Variants in PKP1 observed in about 807,000 individuals in gnomAD.
PKP1 encodes plakophilin 1, also known as plakophilin-1.
Under a neutral mutation model 76.4 loss-of-function variants are expected in PKP1, and 27 were observed. The observed-to-expected ratio is 0.35, with a 90% CI of 0.26 to 0.49. PKP1 has a LOEUF of 0.49. Ranked by LOEUF, PKP1 falls within the 20% of genes least tolerant of loss-of-function variation. The probability of loss-of-function intolerance (pLI) is 0.99; values close to 1 mark genes in which losing one functional copy is unlikely to be tolerated. For missense variants in PKP1, 964 were observed against 955.2 expected, an observed-to-expected ratio of 1.01 and a Z score of -0.12; for synonymous variants, 404 against 384.2, an observed-to-expected ratio of 1.05 and a Z score of -0.60.
intron 3 of PKP1, among the ~76,000 whole-genome samples, chr1:201,315,456 T>G (rs995746942): frequency 1.3e-5 from 2 of 151,948 alleles, no homozygotes; most frequent in Non-Finnish European, 2.9e-5. Context: ...GTCACCACCC[T>G]GTGACTCTAC....
intron 3 of PKP1, among the ~76,000 whole-genome samples, chr1:201,314,203 A>G (rs1260579567): frequency 2.6e-5 from 4 of 152,246 alleles, no homozygotes; most frequent in African/African-American, 9.6e-5. Context: ...CTGTAATCCC[A>G]GCACTTTGGG....
chr1:201,288,144 A>T (rs1228773462), intron 1 of PKP1, among the ~76,000 whole-genome samples: 4 of 152,164 alleles, frequency 2.6e-5, no homozygotes, highest in African/African-American at 9.7e-5. Context: ...GCGATCTTGG[A>T]CAAGTCGCTG....
At chr1:201,304,463 G>A (rs915862459) in intron 2 of PKP1, among the ~76,000 whole-genome samples, 1 of 152,178 alleles carries the variant, frequency 6.6e-6, no homozygotes, top group Non-Finnish European at 1.5e-5. Context: ...ATGACCACAA[G>A]GTCTCCTTGC....
At chr1:201,311,743 G>C (rs1395743449) in intron 2 of PKP1, among the ~76,000 whole-genome samples, 1 of 152,236 alleles carries the variant, frequency 6.6e-6, no homozygotes, top group Non-Finnish European at 1.5e-5. Context: ...AGGTTGCTGG[G>C]TTTGGCCCTG....
chr1:201,326,815 T>G (rs186827389), intron 12 of PKP1, among the ~76,000 whole-genome samples: 5 of 152,274 alleles, frequency 3.3e-5, no homozygotes, highest in African/African-American at 1.2e-4. Context: ...GGAAAAGTCT[T>G]GAAGGACAGG....
intron 12 of PKP1, 42 bp downstream of exon 12, chr1:201,325,880 C>A: frequency 6.7e-7 from 1 of 1,489,900 alleles, no homozygotes; most frequent in Non-Finnish European, 9.4e-7. Flanking sequence ...GTTCTTCCTG[C>A]TCATGAGCAG....
chr1:201,325,186 A>T, intron 11 of PKP1, 59 bp downstream of exon 11: 2 of 1,541,162 alleles, frequency 1.3e-6, no homozygotes, highest in Non-Finnish European at 1.8e-6. Flanking sequence ...CTCACCCTGC[A>T]CAGCAGGAAG....
At chr1:201,306,136 G>A (rs1378708052) in intron 2 of PKP1, among the ~76,000 whole-genome samples, 1 of 152,216 alleles carries the variant, frequency 6.6e-6, no homozygotes, top group African/African-American at 2.4e-5. Flanking sequence ...ACCCATCCTA[G>A]CAGTGTTCAG....
intron 1 of PKP1, among the ~76,000 whole-genome samples, chr1:201,291,242 A>C (rs1655908203): frequency 6.6e-6 from 1 of 152,092 alleles, no homozygotes; most frequent in South Asian, 2.1e-4. Flanking sequence ...AGCCAAGCAG[A>C]CCCCAACTAC....
chr1:201,329,945 C>T (rs1657265761), intron 13 of PKP1, 129 bp from the exon 14 acceptor site: 1 of 152,238 alleles, frequency 6.6e-6, no homozygotes, highest in South Asian at 2.1e-4. Flanking sequence ...CTAGGGCAGC[C>T]TTGAATCCAG....
chr1:201,307,531 G>A (rs1357540549), intron 2 of PKP1, among the ~76,000 whole-genome samples: 3 of 152,178 alleles, frequency 2.0e-5, no homozygotes, highest in Non-Finnish European at 4.4e-5. Context: ...CCCATTCTCG[G>A]CAGCCTTGCT....
chr1:201,298,864 A>G (rs1415575944), intron 2 of PKP1, among the ~76,000 whole-genome samples: 1 of 152,196 alleles, frequency 6.6e-6, no homozygotes, highest in East Asian at 1.9e-4. Flanking sequence ...CCCTTACCCT[A>G]AGGAGAACTG....
intron 2 of PKP1, among the ~76,000 whole-genome samples, chr1:201,301,888 C>T (rs1656242140): frequency 6.6e-6 from 1 of 152,174 alleles, no homozygotes; most frequent in East Asian, 1.9e-4. Flanking sequence ...TAACTTAAAC[C>T]TCTCCAGGCC....
intron 2 of PKP1, among the ~76,000 whole-genome samples, chr1:201,308,229 C>A (rs1301484916): frequency 1.3e-5 from 2 of 152,236 alleles, no homozygotes; most frequent in Non-Finnish European, 2.9e-5. Flanking sequence ...CCTAGAACGG[C>A]CCTACCTACC....
In PKP1 at chr1:201,322,808, T is replaced by A. The variant is rs77513914; in HGVS notation, c.1504-205T>A. 5.7e-3 allele frequency among the ~76,000 whole-genome samples: 874 copies of A among 152,302 alleles called. 4 individuals carry two copies. The highest frequency in any genetic ancestry group is 8.6e-3 in the Non-Finnish European group (588 of 68,004). On this transcript the variant is annotated intron_variant, in intron 8 of 13. Transcript: ENST00000367324. ...GACAGTCTGGGGGACCATGGCCCAT[T>A]CCTGCATCCCATGGAGCTGCTGCAG...
chr1:201,284,715 TA>T (rs1162347258), intron 1 of PKP1, among the ~76,000 whole-genome samples: 1 of 152,204 alleles, frequency 6.6e-6, no homozygotes, highest in African/African-American at 2.4e-5. Flanking sequence ...GGATTCTTCT[TA>T]CCCCACCCAG....
At chr1:201,308,213 AC>A (rs1308362757) in intron 2 of PKP1, among the ~76,000 whole-genome samples, 3 of 152,002 alleles carry the variant, frequency 2.0e-5, no homozygotes, top group Non-Finnish European at 4.4e-5. Context: ...AGGCTGCCTC[AC>A]CCTGCCTAGA....
intron 2 of PKP1, among the ~76,000 whole-genome samples, chr1:201,297,569 G>T (rs1656110378): frequency 6.6e-6 from 1 of 152,196 alleles, no homozygotes. Context: ...CACACAGCTG[G>T]TTACTGGTAC....
In PKP1 at chr1:201,283,871, T is replaced by C. The variant is rs1376177104; in HGVS notation, c.169T>C (p.Ser57Pro). The change falls in exon 1 of 14, where the codon TCC becomes CCC. Residue 57 changes from serine (S) to proline (P), a missense_variant. By Grantham distance (74) the Ser-to-Pro change is moderately conservative. Transcript: ENST00000367324. Reference protein sequence around the residue: ...MTVKRQKSKSSQSSTLSHSNR... With the variant: ...MTVKRQKSKSPQSSTLSHSNR... ...CGTCAAGCGGCAGAAGTCCAAGTCT[T>C]CCCAGTCGTCCACCCTGAGCCACTC... 6.2e-7 allele frequency: 1 copy of C among 1,614,092 alleles called. No individual in the cohort carries two copies. The highest frequency in any genetic ancestry group is 8.5e-7 in the Non-Finnish European group (1 of 1,179,974).
Sources: gnomAD v4.1 joint callset for allele counts (sites outside exome capture counted in the v4.1 genomes callset) on GRCh38, gnomAD v4.1.1 for gene constraint, MANE v1.5 for transcripts, NCBI Gene and HGNC (gene_info 2026-07-23, HGNC 2026-07-21) for gene names.